TMEM33: variants seen among roughly 807,000 people sequenced by gnomAD.
TMEM33 encodes the protein transmembrane protein 33.
In TMEM33, 16 loss-of-function variants were observed where a neutral mutation model predicts 29.7. The ratio of observed to expected loss-of-function variants is 0.54; its 90% confidence interval spans 0.36 to 0.82. The LOEUF (loss-of-function observed/expected upper bound fraction) is 0.82, where lower values mean the gene tolerates loss of function less well. Among genes scored for constraint, TMEM33 ranks in the 40% least tolerant of loss-of-function variants. The pLI, the probability that TMEM33 is intolerant of heterozygous loss-of-function variation, is 0.00. For synonymous variants in TMEM33, 112 were observed against 109.4 expected (o/e 1.02, Z -0.15); for missense variants, 252 against 295.3 (o/e 0.85, Z 1.08).
upstream of TMEM33, chr4:41,935,333 G>A: frequency 3.6e-6 from 3 of 825,892 alleles, no homozygotes. Context: ...CTTCCCTGGT[G>A]GAGGCTCAGA....
chr4:41,935,564 G>C (rs544020307), intron 1 of TMEM33, 35 bp downstream of exon 1: 3 of 1,586,352 alleles, frequency 1.9e-6, no homozygotes, highest in Admixed American at 3.6e-5. Context: ...GGCTTGATTT[G>C]CAAGAGTTAG....
At position 41,939,584 on chromosome 4, in the gene TMEM33, A is replaced by C. The variant is rs890193537; in HGVS notation, c.328+201A>C. 4 of 627,798 alleles carry C rather than the reference A, an allele frequency of 6.4e-6. No individual in the cohort carries two copies. In the African/African-American group the frequency reaches 7.4e-5, roughly 12 times the overall value. The allele number at this position is 627,798 out of a possible 1,614,324, so 38.9% of individuals were successfully genotyped here. A position where few individuals can be genotyped will look rare whatever the true frequency, so the allele number is the denominator to read the frequency against. ...TTTGAAGAGCTGATTTAGGAATTTT[A>C]AACTATCTTTGTTCTTGCCTCTTGT... On this transcript the variant is annotated intron_variant, in intron 3 of 6. Transcript: ENST00000504986.
chr4:41,948,892 G>A (rs946858804), intron 5 of TMEM33, among the ~76,000 whole-genome samples: 3 of 151,954 alleles, frequency 2.0e-5, no homozygotes, highest in African/African-American at 7.2e-5. Context: ...TTACTGATGA[G>A]CCAGTGTAAT....
chr4:41,956,406 A>G lies in TMEM33; in HGVS notation c.*2207A>G, dbSNP rs1713279763. 1 of 152,186 alleles carries G rather than the reference A, an allele frequency of 6.6e-6. No homozygotes were observed. Among genetic ancestry groups the G allele is most frequent in the Non-Finnish European group, 1.5e-5 (1 of 68,034 alleles). The allele number at this position is 152,186 out of a possible 1,614,324, so 9.4% of individuals were successfully genotyped here. On this transcript the variant is annotated 3_prime_UTR_variant, in exon 7 of 7. Coordinates refer to ENST00000504986, the MANE Select transcript of TMEM33 (RefSeq NM_018126.3). Reference sequence around the variant, plus strand: ...TAAGATATTAGCCCAGAACAATACTACTAACTGAAGTATAAAACTTATTTG... The same window carrying G: ...TAAGATATTAGCCCAGAACAATACTGCTAACTGAAGTATAAAACTTATTTG...
intron 4 of TMEM33, chr4:41,944,038 C>A: frequency 2.1e-6 from 1 of 484,362 alleles, no homozygotes; most frequent in South Asian, 2.9e-5. Flanking sequence ...AATCACCCCC[C>A]AGTCTCCAGG....
chr4:41,943,915 A>G, intron 4 of TMEM33, 101 bp downstream of exon 4: 1 of 989,892 alleles, frequency 1.0e-6, no homozygotes, highest in Non-Finnish European at 1.6e-6. Flanking sequence ...GTCCCTCTAT[A>G]CCTTACAAAC....
rs936565523 is a variant in TMEM33, at chr4:41,960,323, C to T, written c.*6124C>T. On this transcript the variant is annotated 3_prime_UTR_variant, in exon 7 of 7. Coordinates refer to ENST00000504986, the MANE Select transcript of TMEM33 (RefSeq NM_018126.3). ...TATTTGTTTTGTGTTCTGCTTAAAT[C>T]AGCAAGAATGATAAATTTGATGGTG... 1 of 152,146 alleles carries T rather than the reference C, an allele frequency of 6.6e-6. No individual in the cohort carries two copies. The highest frequency in any genetic ancestry group is 1.5e-5 in the Non-Finnish European group (1 of 67,988). The allele number at this position is 152,146 out of a possible 1,614,324, so 9.4% of individuals were successfully genotyped here.
At position 41,957,148 on chromosome 4, in the gene TMEM33, T is replaced by A. The variant is rs934529550; in HGVS notation, c.*2949T>A. ...AAACCTTTTTGGATAGATGGAAGCC[T>A]TATACAAAATCTACTTTATTTTAGC... is the stretch of plus-strand genomic sequence containing the variant. On this transcript the variant is annotated 3_prime_UTR_variant, in exon 7 of 7. Transcript: ENST00000504986. 1 of 152,176 alleles carries A rather than the reference T, an allele frequency of 6.6e-6. No homozygotes were observed. The highest frequency in any genetic ancestry group is 1.5e-5 in the Non-Finnish European group (1 of 67,976). The allele number at this position is 152,176 out of a possible 1,614,324, so 9.4% of individuals were successfully genotyped here.
intron 3 of TMEM33, 39 bp downstream of exon 3, chr4:41,939,422 T>G (rs762789696): frequency 2.5e-6 from 4 of 1,599,416 alleles, no homozygotes; most frequent in Non-Finnish European, 3.4e-6. Flanking sequence ...AATTGCCAAC[T>G]AAGCATATAG....
chr4:41,937,452 G>A (rs1046236663), intron 1 of TMEM33, among the ~76,000 whole-genome samples: 2 of 151,740 alleles, frequency 1.3e-5, no homozygotes, highest in East Asian at 3.9e-4. Context: ...AAACAGCCTG[G>A]AATTTTACAA....
chr4:41,935,422 G>A (rs1712172567), upstream of TMEM33: 16 of 1,545,558 alleles, frequency 1.0e-5, no homozygotes, highest in South Asian at 1.8e-4. Context: ...CAGCGCTGAC[G>A]TTTTCTCTCC....
intron 3 of TMEM33, chr4:41,939,965 G>A: frequency 2.7e-6 from 1 of 365,532 alleles, no homozygotes; most frequent in Non-Finnish European, 5.3e-6. Flanking sequence ...TCAAAGGTGT[G>A]TTGTGGGATG....
rs1350749975 is a variant in TMEM33, at chr4:41,955,786, A to G, written c.*1587A>G. 1 of 152,682 alleles carries G rather than the reference A, an allele frequency of 6.5e-6. No homozygotes were observed. The highest frequency in any genetic ancestry group is 2.4e-5 in the African/African-American group (1 of 41,470). 9.5% of individuals were successfully genotyped at this position (152,682 alleles called of 1,614,324 possible). ...TAGAAACTAAACTTTCTAGAGCAAT[A>G]AAATGACTATAATGTTAAGTAAACA... is the stretch of plus-strand genomic sequence containing the variant. On this transcript the variant is annotated 3_prime_UTR_variant, in exon 7 of 7. Transcript: ENST00000504986.
chr4:41,953,890 C>T (rs1713148442), intron 6 of TMEM33, 180 bp from the exon 7 acceptor site: 2 of 691,252 alleles, frequency 2.9e-6, no homozygotes, highest in Admixed American at 4.1e-5. Flanking sequence ...AAGTGTGACG[C>T]AGAGACATGA....
chr4:41,944,719 T>C, intron 4 of TMEM33, 74 bp from the exon 5 acceptor site: 1 of 1,551,558 alleles, frequency 6.4e-7, no homozygotes, highest in Non-Finnish European at 8.7e-7. Flanking sequence ...GGATAGGCTG[T>C]TTACCTACAG....
intron 3 of TMEM33, among the ~76,000 whole-genome samples, chr4:41,942,526 G>A (rs1037043742): frequency 6.6e-6 from 1 of 152,078 alleles, no homozygotes; most frequent in Non-Finnish European, 1.5e-5. Context: ...GTCATATTAG[G>A]CCTTCAGTTA....
At chr4:41,938,209 G>C (rs1712340507) in intron 1 of TMEM33, among the ~76,000 whole-genome samples, 1 of 152,216 alleles carries the variant, frequency 6.6e-6, no homozygotes, top group Admixed American at 6.5e-5. Context: ...TCTCTTGAGA[G>C]CAATTAGTTT....
Position 41,958,642 on chromosome 4 carries a change from A to G in TMEM33, c.*4443A>G, listed in dbSNP as rs897012590. 1.3e-5 allele frequency: 2 copies of G among 151,232 alleles called. No homozygotes were observed. Among genetic ancestry groups the G allele is most frequent in the Admixed American group, 6.6e-5 (1 of 15,196 alleles). 9.4% of individuals were successfully genotyped at this position (151,232 alleles called of 1,614,324 possible). ...GAAATTTGTAGATATTATATGAGGA[A>G]TGGCACCTAGATTTGAAAATTATGC... On this transcript the variant is annotated 3_prime_UTR_variant, in exon 7 of 7. Coordinates refer to ENST00000504986, the MANE Select transcript of TMEM33 (RefSeq NM_018126.3).
In TMEM33 at chr4:41,955,538, A is replaced by G. The variant is rs959704463; in HGVS notation, c.*1339A>G. The stretch of plus-strand genomic sequence containing the variant: ...GATTTCTCAAATACATTCATTAGTA[A>G]TTTATCAGTAACATTAGTTTTATTT... On this transcript the variant is annotated 3_prime_UTR_variant, in exon 7 of 7. Transcript: ENST00000504986. The G allele has an allele frequency of 6.6e-6, 1 of 152,650 alleles. No individual in the cohort carries two copies. Among genetic ancestry groups the G allele is most frequent in the Non-Finnish European group, 1.5e-5 (1 of 68,034 alleles). The allele number at this position is 152,650 out of a possible 1,614,324, so 9.5% of individuals were successfully genotyped here.
Sources: gnomAD v4.1 joint callset for allele counts (sites outside exome capture counted in the v4.1 genomes callset) on GRCh38, gnomAD v4.1.1 for gene constraint, MANE v1.5 for transcripts, NCBI Gene and HGNC (gene_info 2026-07-23, HGNC 2026-07-21) for gene names.